The following RIC1 variants were observed in gnomAD, a reference collection of about 807,000 sequenced individuals.
RIC1 encodes guanine nucleotide exchange factor subunit RIC1.
Under a neutral mutation model 169.0 loss-of-function variants are expected in RIC1, and 88 were observed. The observed-to-expected ratio is 0.52, with a 90% confidence interval of 0.44 to 0.62. The LOEUF is 0.62. Among genes scored for constraint, RIC1 ranks in the 20% least tolerant of loss-of-function variants. The probability of loss-of-function intolerance (pLI) is 0.00; values close to 1 mark genes in which losing one functional copy is unlikely to be tolerated. For missense variants in RIC1, 1,877 were observed against 1,725.5 expected, an observed-to-expected ratio of 1.09 and a Z score of -1.56; for synonymous variants, 790 against 601.5, an observed-to-expected ratio of 1.31 and a Z score of -4.59.
intron 1 of RIC1, among the ~76,000 whole-genome samples, chr9:5,654,829 A>C (rs977868009): frequency 6.6e-6 from 1 of 152,214 alleles, no homozygotes; most frequent in African/African-American, 2.4e-5. Flanking sequence ...TAGGGATTAC[A>C]GGCATGAGCT....
Position 5,629,994 on chromosome 9 carries a change from C to G in RIC1, c.144+541C>G, listed in dbSNP as rs568077271. 2.3e-4 allele frequency among the ~76,000 whole-genome samples: 35 copies of G among 152,352 alleles called. No homozygotes were observed. The South Asian group carries it at 7.0e-3, about 31-fold the overall frequency. On this transcript the variant is annotated intron_variant, in intron 1 of 25. Coordinates refer to ENST00000414202, the MANE Select transcript of RIC1 (RefSeq NM_020829.4). ...CTAAAGGTCTGGTTATTTAACTCCC[C>G]TCTTTAACCCCAACATCCCTTCCCC...
At chr9:5,719,152 C>T (rs1823441023) in intron 4 of RIC1, 1 of 152,118 alleles carries the variant, frequency 6.6e-6, no homozygotes, top group South Asian at 2.1e-4. Context: ...CCTTGGCTTT[C>T]TTGATATCAG....
In RIC1 at chr9:5,720,727, G is replaced by C; in HGVS notation, c.697G>C (p.Val233Leu). Residue 233 changes from valine to leucine, a missense_variant, in exon 6 of 26, where the codon GTG becomes CTG. Val to Leu is a conservative substitution (Grantham distance 32). Transcript: ENST00000414202. ...TGGTAAAGTTGGATTTATTACACCA[G>C]TGTCAAGTAGATTTACTGCAGAGGT... is the stretch of plus-strand genomic sequence containing the variant. ...NDGKVGFITP[V>L]SSRFTAEQLH... 1 of 1,609,172 alleles carries C rather than the reference G, an allele frequency of 6.2e-7. No individual in the cohort carries two copies. The highest frequency in any genetic ancestry group is 1.3e-5 in the African/African-American group (1 of 74,738).
intron 2 of RIC1, among the ~76,000 whole-genome samples, chr9:5,675,724 G>A (rs955927485): frequency 6.6e-6 from 1 of 152,094 alleles, no homozygotes; most frequent in African/African-American, 2.4e-5. Context: ...ATACAAAATG[G>A]CCTACAAATA....
At chr9:5,713,852 G>C (rs1187863358) in intron 3 of RIC1, 44 bp from the exon 4 acceptor site, 1 of 1,378,528 alleles carries the variant, frequency 7.3e-7, no homozygotes, top group African/African-American at 1.4e-5. Flanking sequence ...ACAGAATGGA[G>C]GCAAATTCAG....
chr9:5,724,534 A>T (rs994710074), intron 6 of RIC1, among the ~76,000 whole-genome samples: 1 of 152,174 alleles, frequency 6.6e-6, no homozygotes, highest in East Asian at 1.9e-4. Context: ...CTCTTTTCCT[A>T]ATTGAATACC....
At chr9:5,650,546 C>T (rs1192372975) in intron 1 of RIC1, among the ~76,000 whole-genome samples, 1 of 151,970 alleles carries the variant, frequency 6.6e-6, no homozygotes, top group Non-Finnish European at 1.5e-5. Flanking sequence ...TAGCCTCACA[C>T]CAGAGGCTGG....
chr9:5,679,356 G>GT (rs1357793987), intron 2 of RIC1, among the ~76,000 whole-genome samples: 1 of 152,130 alleles, frequency 6.6e-6, no homozygotes, highest in Non-Finnish European at 1.5e-5. Context: ...CTTTAAAGTA[G>GT]TTTTTTCCAA....
chr9:5,726,141 T>G (rs905609764), intron 6 of RIC1, among the ~76,000 whole-genome samples: 5 of 152,310 alleles, frequency 3.3e-5, no homozygotes, highest in African/African-American at 1.2e-4. Context: ...CTGTCTAATG[T>G]TTACGGTGGG....
chr9:5,724,479 T>C (rs1823823306), intron 6 of RIC1, among the ~76,000 whole-genome samples: 1 of 152,368 alleles, frequency 6.6e-6, no homozygotes, highest in South Asian at 2.1e-4. Context: ...TGGAGTTTTC[T>C]AGATATACAA....
intron 12 of RIC1, among the ~76,000 whole-genome samples, chr9:5,750,645 C>T (rs577828614): frequency 3.3e-5 from 5 of 151,884 alleles, no homozygotes; most frequent in African/African-American, 9.7e-5. Context: ...AGGGCGGATT[C>T]AGTTTCTTTA....
intron 4 of RIC1, among the ~76,000 whole-genome samples, chr9:5,715,732 A>G (rs145538091): frequency 6.6e-6 from 1 of 152,112 alleles, no homozygotes; most frequent in African/African-American, 2.4e-5. Flanking sequence ...TTTGTTATTA[A>G]TTGAGGATAG....
intron 1 of RIC1, among the ~76,000 whole-genome samples, chr9:5,651,777 A>G (rs1818814456): frequency 6.6e-6 from 1 of 151,970 alleles, no homozygotes; most frequent in African/African-American, 2.4e-5. Context: ...CATGTTGGCC[A>G]GGTTGGTCTC....
At chr9:5,667,660 C>T (rs933437041) in intron 2 of RIC1, among the ~76,000 whole-genome samples, 3 of 152,038 alleles carry the variant, frequency 2.0e-5, no homozygotes, top group Admixed American at 6.6e-5. Context: ...CGCACCACCA[C>T]GCCTGGCTGA....
intron 21 of RIC1, 135 bp from the exon 22 acceptor site, chr9:5,768,835 T>C (rs1826987269): frequency 6.2e-6 from 6 of 961,782 alleles, no homozygotes; most frequent in Non-Finnish European, 9.1e-6. Context: ...GTTGATACTT[T>C]ATCTTCATTG....
At chr9:5,752,376 T>G (rs1005834612) in intron 12 of RIC1, among the ~76,000 whole-genome samples, 23 of 152,146 alleles carry the variant, frequency 1.5e-4, no homozygotes, top group African/African-American at 5.5e-4. Context: ...AACCAGTGGT[T>G]GTACCTAAGT....
intron 6 of RIC1, among the ~76,000 whole-genome samples, chr9:5,728,179 C>T (rs577323782): frequency 4.6e-5 from 7 of 152,360 alleles, no homozygotes; most frequent in African/African-American, 1.4e-4. Context: ...CCTTGAGCTG[C>T]GGTGGGCTCC....
At chr9:5,635,642 T>A (rs571517765) in intron 1 of RIC1, among the ~76,000 whole-genome samples, 1 of 152,298 alleles carries the variant, frequency 6.6e-6, no homozygotes, top group South Asian at 2.1e-4. Context: ...CCCACCCAAA[T>A]TTCATCTCTA....
At chr9:5,707,830 A>T (rs1376571323) in intron 3 of RIC1, among the ~76,000 whole-genome samples, 3 of 152,092 alleles carry the variant, frequency 2.0e-5, no homozygotes, top group Non-Finnish European at 4.4e-5. Flanking sequence ...ATCCATTCTG[A>T]TAATGCTTGC....
Sources: allele counts gnomAD v4.1 joint callset (sites outside exome capture counted in the v4.1 genomes callset), GRCh38; gene constraint gnomAD v4.1.1; transcripts MANE v1.5; gene names NCBI Gene and HGNC (gene_info 2026-07-23, HGNC 2026-07-21).